The following IL20RB variants were observed in gnomAD, a reference collection of about 807,000 sequenced individuals.
IL20RB encodes the protein interleukin-20 receptor subunit beta.
IL20RB carries 21 observed loss-of-function variants against 33.3 expected under a neutral mutation model. That is an observed-to-expected ratio of 0.63 (90% CI 0.45 to 0.91). The LOEUF is 0.91. Among genes scored for constraint, IL20RB ranks in the 40% least tolerant of loss-of-function variants. The probability of loss-of-function intolerance (pLI) is 0.00; values close to 1 mark genes in which losing one functional copy is unlikely to be tolerated. For synonymous variants in IL20RB, 147 were observed against 146.8 expected (o/e 1.00, Z -0.01); for missense variants, 345 against 384.8 (o/e 0.90, Z 0.86).
At chr3:136,971,190 G>C (rs1262362505) in intron 1 of IL20RB, among the ~76,000 whole-genome samples, 2 of 151,868 alleles carry the variant, frequency 1.3e-5, no homozygotes, top group Non-Finnish European at 2.9e-5. Flanking sequence ...GAGTGCAATG[G>C]CGCCATCTGG....
intron 6 of IL20RB, among the ~76,000 whole-genome samples, chr3:137,002,298 G>A (rs548494529): frequency 8.1e-4 from 124 of 152,282 alleles, no homozygotes; most frequent in Admixed American, 9.8e-4. Context: ...CAGGTAATGG[G>A]ATTGCTGGGT....
intron 1 of IL20RB, among the ~76,000 whole-genome samples, chr3:136,979,042 A>C (rs1941703682): frequency 6.6e-6 from 1 of 152,200 alleles, no homozygotes; most frequent in South Asian, 2.1e-4. Flanking sequence ...ATATTCCCCA[A>C]ATAGCTGGCT....
At chr3:136,958,911 TTCTC>T (rs3077025) in intron 1 of IL20RB, among the ~76,000 whole-genome samples, 15 of 150,078 alleles carry the variant, frequency 1.0e-4, no homozygotes, top group East Asian at 4.0e-4. Context: ...CTTGAGTACT[TTCTC>T]TCTCTCTCTC....
At chr3:136,979,234 A>G (rs1248926986) in intron 1 of IL20RB, among the ~76,000 whole-genome samples, 1 of 152,112 alleles carries the variant, frequency 6.6e-6, no homozygotes, top group South Asian at 2.1e-4. Flanking sequence ...CAGACCATGG[A>G]TGCTGAGGGT....
At chr3:136,974,081 T>C (rs897400729) in intron 1 of IL20RB, among the ~76,000 whole-genome samples, 14 of 152,282 alleles carry the variant, frequency 9.2e-5, no homozygotes, top group African/African-American at 3.4e-4. Context: ...TGTGAGGTTT[T>C]TTCCTGTCAT....
intron 5 of IL20RB, among the ~76,000 whole-genome samples, chr3:136,994,340 T>C (rs1052764396): frequency 1.3e-5 from 2 of 152,240 alleles, no homozygotes; most frequent in African/African-American, 2.4e-5. Flanking sequence ...TTCTCCATGA[T>C]GTGCTTATTT....
chr3:136,999,953 A>C (rs1224415671), intron 6 of IL20RB, among the ~76,000 whole-genome samples: 1 of 152,078 alleles, frequency 6.6e-6, no homozygotes, highest in East Asian at 1.9e-4. Flanking sequence ...TTACTTTAAA[A>C]TCTTTGCTAA....
chr3:136,960,397 C>T (rs1209493863), intron 1 of IL20RB, among the ~76,000 whole-genome samples: 5 of 152,062 alleles, frequency 3.3e-5, no homozygotes, highest in African/African-American at 9.7e-5. Flanking sequence ...TTGCCCGCCT[C>T]GGCCTCCCAA....
chr3:136,999,860 C>T lies in IL20RB; in HGVS notation c.825+4304C>T, dbSNP rs556877965. 2.6e-5 allele frequency among the ~76,000 whole-genome samples: 4 copies of T among 152,174 alleles called. No individual in the cohort carries two copies. In the East Asian group the frequency reaches 7.7e-4, roughly 29 times the overall value. Reference sequence around the variant, plus strand: ...GTTTCTTTTTTATAGTAAATATTCTCTGCTGAGATTTTCTATTTGGTCATT... The same window carrying T: ...GTTTCTTTTTTATAGTAAATATTCTTTGCTGAGATTTTCTATTTGGTCATT... On this transcript the variant is annotated intron_variant, in intron 6 of 6. Coordinates refer to ENST00000329582, the MANE Select transcript of IL20RB (RefSeq NM_144717.4).
At chr3:136,993,505 T>A (rs977299221) in intron 5 of IL20RB, among the ~76,000 whole-genome samples, 5 of 152,174 alleles carry the variant, frequency 3.3e-5, no homozygotes, top group Non-Finnish European at 5.9e-5. Context: ...ATGTGCCATG[T>A]TGGTTTCCTG....
chr3:136,986,703 T>G (rs1941906866), intron 3 of IL20RB: 1 of 456,670 alleles, frequency 2.2e-6, no homozygotes, highest in Admixed American at 2.3e-5. Flanking sequence ...GGAACTGCCT[T>G]TCTTCTGAGT....
Position 137,010,288 on chromosome 3 carries a change from C to T in IL20RB, c.*65C>T. 1.3e-6 allele frequency: 1 copy of T among 795,426 alleles called. No homozygotes were observed. The highest frequency in any genetic ancestry group is 2.3e-6 in the Non-Finnish European group (1 of 444,346). The allele number at this position is 795,426 out of a possible 1,614,324, so 49.3% of individuals were successfully genotyped here. ...GCATGACATGGAAACCATGAGGGGACAAGTTGTGTTTCTGTTTTCCGCCAC... is the reference window on the plus strand; with the variant it reads ...GCATGACATGGAAACCATGAGGGGATAAGTTGTGTTTCTGTTTTCCGCCAC... On this transcript the variant is annotated 3_prime_UTR_variant, in exon 7 of 7. Coordinates refer to ENST00000329582, the MANE Select transcript of IL20RB (RefSeq NM_144717.4).
intron 6 of IL20RB, among the ~76,000 whole-genome samples, chr3:136,999,430 G>A (rs190721050): frequency 1.2e-3 from 183 of 152,048 alleles, no homozygotes; most frequent in African/African-American, 4.1e-3. Context: ...TAGTGATGGG[G>A]TTCTCCCTAT....
chr3:136,969,285 C>G (rs1941402783), intron 1 of IL20RB: 1 of 118,976 alleles, frequency 8.4e-6, no homozygotes, highest in South Asian at 1.4e-4. Flanking sequence ...GGCGGGCGCC[C>G]CTTCCCCAGC....
chr3:136,996,450 C>T (rs752256257), intron 6 of IL20RB, among the ~76,000 whole-genome samples: 8 of 152,210 alleles, frequency 5.3e-5, no homozygotes, highest in Non-Finnish European at 1.2e-4. Context: ...TGAAAAGCAA[C>T]TAAAGCCAGA....
At position 136,980,563 on chromosome 3, in the gene IL20RB, A is replaced by C; in HGVS notation, c.186A>C (p.Glu62Asp). ...GGAGCCCAGTGATCGCGCCTGGAGA[A>C]ACAGTGTACTATTCTGTCGAATACC... is the stretch of plus-strand genomic sequence containing the variant. Reference protein sequence around the residue: ...LMWSPVIAPGETVYYSVEYQG... With the variant: ...LMWSPVIAPGDTVYYSVEYQG... Residue 62 changes from glutamate to aspartate, a missense_variant, in exon 2 of 7, where the codon GAA becomes GAC. By Grantham distance (45) the Glu-to-Asp change is conservative. Coordinates refer to ENST00000329582, the MANE Select transcript of IL20RB (RefSeq NM_144717.4). 1.2e-6 allele frequency: 2 copies of C among 1,614,190 alleles called. No homozygotes were observed. The highest frequency in any genetic ancestry group is 1.7e-6 in the Non-Finnish European group (2 of 1,180,022).
intron 6 of IL20RB, among the ~76,000 whole-genome samples, chr3:137,008,003 G>A (rs1560079615): frequency 1.3e-5 from 2 of 152,192 alleles, no homozygotes; most frequent in East Asian, 1.9e-4. Flanking sequence ...TATAGTCTCT[G>A]TTTAAAAATA....
chr3:137,005,028 A>G (rs1029172280), intron 6 of IL20RB, among the ~76,000 whole-genome samples: 2 of 152,178 alleles, frequency 1.3e-5, no homozygotes, highest in African/African-American at 4.8e-5. Flanking sequence ...TTATTTACCC[A>G]GTAGTCATTC....
chr3:136,969,995 T>G (rs1448128684), intron 1 of IL20RB, among the ~76,000 whole-genome samples: 1 of 152,116 alleles, frequency 6.6e-6, no homozygotes, highest in Non-Finnish European at 1.5e-5. Flanking sequence ...TTGCACAAGG[T>G]GTGAGGTTTA....
Sources: allele counts gnomAD v4.1 joint callset (sites outside exome capture counted in the v4.1 genomes callset), GRCh38; gene constraint gnomAD v4.1.1; transcripts MANE v1.5; gene names NCBI Gene and HGNC (gene_info 2026-07-23, HGNC 2026-07-21).